The following A2ML1 variants were observed in gnomAD, a reference collection of about 807,000 sequenced individuals.
A2ML1 encodes the protein alpha-2-macroglobulin-like protein 1.
Under a neutral mutation model 181.9 loss-of-function variants are expected in A2ML1, and 161 were observed. The observed-to-expected ratio is 0.89, with a 90% CI of 0.78 to 1.01. The LOEUF (loss-of-function observed/expected upper bound fraction) is 1.01. Among genes scored for constraint, A2ML1 ranks in the 50% least tolerant of loss-of-function variants. The probability of loss-of-function intolerance (pLI) is 0.00; values close to 1 mark genes in which losing one functional copy is unlikely to be tolerated. For synonymous variants in A2ML1, 663 were observed against 666.8 expected (o/e 0.99, Z 0.09); for missense variants, 1,670 against 1,768.1 (o/e 0.94, Z 1.00).
At position 8,855,496 on chromosome 12, in the gene A2ML1, C is replaced by T; in HGVS notation, c.2765-13C>T. 6.2e-7 allele frequency: 1 copy of T among 1,611,400 alleles called. No individual in the cohort carries two copies. Among genetic ancestry groups the T allele is most frequent in the Admixed American group, 1.7e-5 (1 of 59,196 alleles). On this transcript the variant is annotated splice_polypyrimidine_tract_variant and intron_variant, in intron 22 of 35. Coordinates refer to ENST00000299698, the MANE Select transcript of A2ML1 (RefSeq NM_144670.6). ...ATCTTCTATTGTGTCACCTTTTTTT[C>T]TGCATCTCACAGGAAAGGTGGCATC...
In A2ML1 at chr12:8,838,805, T is replaced by TA. The variant is rs1339366217; in HGVS notation, c.971-308_971-307insA. 1.8e-4 allele frequency among the ~76,000 whole-genome samples: 27 copies of TA among 151,086 alleles called. No individual in the cohort carries two copies. In the East Asian group the frequency reaches 5.3e-3, roughly 29 times the overall value. On this transcript the variant is annotated intron_variant, in intron 9 of 35. Coordinates refer to ENST00000299698, the MANE Select transcript of A2ML1 (RefSeq NM_144670.6). ...CGGGGGCGCCTGTAGTCCCAGCTACTCGGGGAGGCTGAGGCAGGAGAATGG... is the reference window on the plus strand; with the variant it reads ...CGGGGGCGCCTGTAGTCCCAGCTACTACGGGGAGGCTGAGGCAGGAGAATGG...
intron 22 of A2ML1, among the ~76,000 whole-genome samples, chr12:8,855,076 G>T (rs888269045): frequency 1.3e-5 from 2 of 152,046 alleles, no homozygotes; most frequent in African/African-American, 4.8e-5. Flanking sequence ...TGTATTTTTA[G>T]TAGAGATGGG....
At chr12:8,835,698 G>A in intron 6 of A2ML1, 32 bp downstream of exon 6, 2 of 1,610,700 alleles carry the variant, frequency 1.2e-6, no homozygotes, top group Non-Finnish European at 1.7e-6. Context: ...CCAAAGTATT[G>A]GGCATAATCT....
intron 7 of A2ML1, among the ~76,000 whole-genome samples, chr12:8,836,613 A>G (rs1478983097): frequency 6.6e-6 from 1 of 151,090 alleles, no homozygotes; most frequent in Non-Finnish European, 1.5e-5. Context: ...CCTCTAGAGT[A>G]GCTGGGATCA....
chr12:8,839,942 T>C (rs1462926577), intron 10 of A2ML1, among the ~76,000 whole-genome samples: 1 of 152,052 alleles, frequency 6.6e-6, no homozygotes, highest in East Asian at 1.9e-4. Flanking sequence ...AGATGGGGTT[T>C]CTCCATGTTG....
intron 28 of A2ML1, among the ~76,000 whole-genome samples, chr12:8,862,640 A>T (rs918828737): frequency 6.6e-6 from 1 of 152,234 alleles, no homozygotes; most frequent in Non-Finnish European, 1.5e-5. Flanking sequence ...CTTCATTTAT[A>T]TGAGCGTCAT....
rs1003781786 is a variant in A2ML1 at position 8,850,029 on chromosome 12, T to C, written c.2120-131T>C. 1.3e-5 allele frequency: 10 copies of C among 766,868 alleles called. No homozygotes were observed. In the African/African-American group the frequency reaches 1.6e-4, roughly 12 times the overall value. 47.5% of individuals were successfully genotyped at this position (766,868 alleles called of 1,614,324 possible). ...TGACTAGTTAGTTCCTCTTTGGTCCTTCCTCCTTGCCTCTGACTGGATGTT... is the reference window on the plus strand; with the variant it reads ...TGACTAGTTAGTTCCTCTTTGGTCCCTCCTCCTTGCCTCTGACTGGATGTT... On this transcript the variant is annotated intron_variant, in intron 17 of 35. Coordinates refer to ENST00000299698, the MANE Select transcript of A2ML1 (RefSeq NM_144670.6).
chr12:8,847,671 G>C lies in A2ML1; in HGVS notation c.1806G>C (p.Arg602Ser). 1 of 1,613,238 alleles carries C rather than the reference G, an allele frequency of 6.2e-7. No homozygotes were observed. Residue 602 changes from arginine (R) to serine (S), a missense_variant, in exon 15 of 36, where the codon AGG (arginine) becomes AGC (serine). Arg to Ser is a moderately radical substitution (Grantham distance 110). Coordinates refer to ENST00000299698, the MANE Select transcript of A2ML1 (RefSeq NM_144670.6). Reference protein sequence around the residue: ...RAVDESVLLLRPDRELSNRSV... With the variant: ...RAVDESVLLLSPDRELSNRSV... ...TGGATGAGAGTGTCTTACTGCTTAG[G>C]CCAGACAGAGAGCTGAGCAACCGCT...
At position 8,854,809 on chromosome 12, in the gene A2ML1, CAG is replaced by C; in HGVS notation, c.2743_2744del (p.Ser915LeufsTer12). ...AGGGAGTCCTGGTGGAGAAGACACA[CAG>C]CTCATTGCTGTGCCCAAAAGGTGGG... ...PEGVLVEKTH[S>X]SLLCPKGKVA... is the part of the protein sequence containing the mutation. On this transcript the variant is annotated frameshift_variant, in exon 22 of 36. Coordinates refer to ENST00000299698, the MANE Select transcript of A2ML1 (RefSeq NM_144670.6). LOFTEE classifies it high-confidence loss of function. 6.2e-7 allele frequency: 1 copy of C among 1,614,062 alleles called. No individual in the cohort carries two copies.
intron 7 of A2ML1, among the ~76,000 whole-genome samples, chr12:8,884,249 T>TG (rs752521763): frequency 0.041 from 6,211 of 150,718 alleles, 173 homozygotes; most frequent in Non-Finnish European, 0.05. Context: ...TTGTTTTGTT[T>TG]TTTTTTAACT....
chr12:8,852,193 T>A lies in A2ML1; in HGVS notation c.2464-17T>A. On this transcript the variant is annotated splice_polypyrimidine_tract_variant and intron_variant, in intron 19 of 35. Coordinates refer to ENST00000299698, the MANE Select transcript of A2ML1 (RefSeq NM_144670.6). The surrounding 1 kb of genome is among the most constrained non-coding windows in gnomAD (Gnocchi z 4.2). Reference sequence around the variant, plus strand: ...CTCCTTTGTTTGTACCCTTTGTCTCTTAAACATCCTCCGTAGGTTCAGACT... The same window carrying A: ...CTCCTTTGTTTGTACCCTTTGTCTCATAAACATCCTCCGTAGGTTCAGACT... 6.2e-7 allele frequency: 1 copy of A among 1,613,892 alleles called. No individual in the cohort carries two copies. Among genetic ancestry groups the A allele is most frequent in the Non-Finnish European group, 8.5e-7 (1 of 1,180,020 alleles).
At chr12:8,824,764 T>C (rs778400320) in intron 3 of A2ML1, among the ~76,000 whole-genome samples, 1 of 152,092 alleles carries the variant, frequency 6.6e-6, no homozygotes, top group Non-Finnish European at 1.5e-5. Flanking sequence ...ACTTAAAAAT[T>C]ATTATTCTAT....
At chr12:8,827,684 GAGTTA>G (rs1278896076) in intron 3 of A2ML1, among the ~76,000 whole-genome samples, 1 of 152,196 alleles carries the variant, frequency 6.6e-6, no homozygotes, top group African/African-American at 2.4e-5. Context: ...GGGCATTGAA[GAGTTA>G]GGTATTTATT....
chr12:8,833,864 C>T (rs1353095423), intron 4 of A2ML1, among the ~76,000 whole-genome samples: 1 of 152,076 alleles, frequency 6.6e-6, no homozygotes, highest in Non-Finnish European at 1.5e-5. Flanking sequence ...TTGCCATTAT[C>T]CCTACTATCA....
Position 8,854,225 on chromosome 12 carries a change from G to C in A2ML1, c.2688G>C (p.Thr896=), listed in dbSNP as rs748480315. The C allele has an allele frequency of 5.6e-6, 9 of 1,607,452 alleles. No homozygotes were observed. The highest frequency in any genetic ancestry group is 7.6e-6 in the Non-Finnish European group (9 of 1,176,836). ...TTCCCCAAAAGGGCCGAAGTGACAC[G>C]CTCATCAAGCCAGTTCTCGTCAAAG... ...GFVPQKGRSD[T]LIKPVLVKPE... is the part of the protein sequence containing the mutation. Residue 896 remains threonine, a synonymous_variant, in exon 21 of 36, where the codon ACG becomes ACC. Coordinates refer to ENST00000299698, the MANE Select transcript of A2ML1 (RefSeq NM_144670.6).
Position 8,835,602 on chromosome 12 carries a change from G to A in A2ML1, c.579G>A (p.Leu193=). The change falls in exon 6 of 36, where the codon CTG becomes CTA. Residue 193 remains leucine (L), a synonymous_variant. Transcript: ENST00000299698. ...LSFQLAPEAM[L]GTYTVAVAEG... ...TCCAACTGGCACCAGAGGCAATGCT[G>A]GGCACCTACACTGTGGCAGTGGCTG... 1.2e-6 allele frequency: 2 copies of A among 1,614,156 alleles called. No homozygotes were observed. Among genetic ancestry groups the A allele is most frequent in the Non-Finnish European group, 1.7e-6 (2 of 1,180,018 alleles).
chr12:8,855,735 G>C, intron 23 of A2ML1, 143 bp downstream of exon 23: 2 of 723,270 alleles, frequency 2.8e-6, no homozygotes, highest in Non-Finnish European at 2.3e-6. Flanking sequence ...TTTTATATAG[G>C]AGGGAAATAC....
At position 8,843,268 on chromosome 12, in the gene A2ML1, C is replaced by T. The variant is rs1943552561; in HGVS notation, c.1383C>T (p.Pro461=). The T allele has an allele frequency of 6.2e-7, 1 of 1,614,106 alleles. No homozygotes were observed. Among genetic ancestry groups the T allele is most frequent in the Non-Finnish European group, 8.5e-7 (1 of 1,180,054 alleles). ...SFLGIHRLNG[P]LKCGQPQEVL... ...TTGGCATCCACCGGCTAAACGGCCC[C>T]TTGAAATGTGGCCAGCCCCAGGAAG... The change falls in exon 12 of 36, where the codon CCC becomes CCT. Residue 461 remains proline, a synonymous_variant. Transcript: ENST00000299698.
downstream of A2ML1, among the ~76,000 whole-genome samples, chr12:8,877,957 G>A (rs1565499589): frequency 6.6e-6 from 1 of 152,126 alleles, no homozygotes. Flanking sequence ...TGGTAGAGTG[G>A]ATAAAGAAAA....
Sources: allele counts gnomAD v4.1 joint callset (sites outside exome capture counted in the v4.1 genomes callset), GRCh38; gene constraint gnomAD v4.1.1; non-coding constraint Gnocchi (gnomAD v3.1); transcripts MANE v1.5; gene names NCBI Gene and HGNC (gene_info 2026-07-23, HGNC 2026-07-21).